FAM161A: variants seen among roughly 807,000 people sequenced by gnomAD.
FAM161A encodes FAM161 centrosomal protein A.
In FAM161A, 57 loss-of-function variants were observed where a neutral mutation model predicts 70.9. The observed-to-expected ratio is 0.80, with a 90% CI of 0.65 to 1.00. The LOEUF is 1.00. Among genes scored for constraint, FAM161A ranks in the 50% least tolerant of loss-of-function variants. FAM161A has a pLI of 0.00. For missense variants in FAM161A, 880 were observed against 836.0 expected (o/e 1.05, Z -0.65); for synonymous variants, 299 against 295.7 (o/e 1.01, Z -0.12).
chr2:61,825,559 G>C lies in FAM161A; in HGVS notation c.*896C>G, dbSNP rs769156911. 18 of 441,104 alleles carry C rather than the reference G, an allele frequency of 4.1e-5. No individual in the cohort carries two copies. The highest frequency in any genetic ancestry group is 1.2e-4 in the African/African-American group (6 of 48,808). 27.3% of individuals were successfully genotyped at this position (441,104 alleles called of 1,614,324 possible). On this transcript the variant is annotated 3_prime_UTR_variant, in exon 7 of 7. Transcript: ENST00000404929. ...AGAACTAAGGATAAAAAGAAAAAGG[G>C]ATGATGGTGTAGACAATTTAACAGT...
chr2:61,829,681 A>G (rs1245125140), intron 5 of FAM161A, among the ~76,000 whole-genome samples: 1 of 152,138 alleles, frequency 6.6e-6, no homozygotes, highest in Non-Finnish European at 1.5e-5. Context: ...AATATATAAG[A>G]CATTAAAAAG....
At chr2:61,805,883 C>G in the FAM161A span, among the ~76,000 whole-genome samples, 1 of 152,084 alleles carries the variant, frequency 6.6e-6, no homozygotes, top group African/African-American at 2.4e-5. Flanking sequence ...ATCTTATTCA[C>G]TAGGCTTGTT....
At chr2:61,818,159 A>C in the FAM161A span, among the ~76,000 whole-genome samples, 1 of 150,828 alleles carries the variant, frequency 6.6e-6, no homozygotes, top group African/African-American at 2.4e-5. Context: ...GGGTTCAAGC[A>C]ATTCTCCTGC....
At chr2:61,823,076 T>C (rs949710591), downstream of FAM161A, among the ~76,000 whole-genome samples, 1 of 150,770 alleles carries the variant, frequency 6.6e-6, no homozygotes, top group Non-Finnish European at 1.5e-5. Flanking sequence ...GGCTCATGCC[T>C]GTAATCCCAG....
intron 4 of FAM161A, among the ~76,000 whole-genome samples, chr2:61,838,184 T>C (rs1321133313): frequency 2.6e-5 from 4 of 152,216 alleles, no homozygotes; most frequent in Non-Finnish European, 4.4e-5. Context: ...TCAGATTTCA[T>C]CCAAACCTTA....
chr2:61,836,394 G>A, intron 4 of FAM161A: 1 of 272,644 alleles, frequency 3.7e-6, no homozygotes, highest in South Asian at 5.6e-5. Flanking sequence ...AAATCCTCAA[G>A]GCATAAATAT....
At chr2:61,845,956 G>A (rs1395039211) in intron 1 of FAM161A, among the ~76,000 whole-genome samples, 1 of 151,990 alleles carries the variant, frequency 6.6e-6, no homozygotes, top group Admixed American at 6.6e-5. Flanking sequence ...AGGCATGGTG[G>A]CGTGTACCTG....
chr2:61,806,634 T>C, the FAM161A span, among the ~76,000 whole-genome samples: 1 of 150,762 alleles, frequency 6.6e-6, no homozygotes, highest in Non-Finnish European at 1.5e-5. Flanking sequence ...TGAAATCACA[T>C]GTAAGCTCTA....
chr2:61,839,425 C>G lies in FAM161A; in HGVS notation c.1579G>C (p.Val527Leu), dbSNP rs372121322. The change falls in exon 3 of 7, where the codon GTA becomes CTA. Residue 527 changes from valine (V) to leucine (L), a missense_variant. Transcript: ENST00000404929. ...TACTGCGTCCTACTTACTTACCTTA[C>G]GGCTTGTTCTCGTCCTCTGGAAGAT... ...TVSSRGREQA[V>L]RRSLEEKKML... The G allele has an allele frequency of 6.2e-7, 1 of 1,614,164 alleles. No individual in the cohort carries two copies. The highest frequency in any genetic ancestry group is 8.5e-7 in the Non-Finnish European group (1 of 1,180,030).
the FAM161A span, among the ~76,000 whole-genome samples, chr2:61,811,681 T>G: frequency 6.6e-6 from 1 of 151,802 alleles, no homozygotes; most frequent in Non-Finnish European, 1.5e-5. Context: ...CCTAAATTTA[T>G]TTTTTGTAGA....
chr2:61,833,199 C>T (rs766783613), intron 5 of FAM161A, among the ~76,000 whole-genome samples: 12 of 151,868 alleles, frequency 7.9e-5, no homozygotes, highest in Admixed American at 3.3e-4. Flanking sequence ...CCAATGCAGA[C>T]GGATCATCAG....
At chr2:61,821,283 C>T (rs1032082326), downstream of FAM161A, among the ~76,000 whole-genome samples, 1 of 151,988 alleles carries the variant, frequency 6.6e-6, no homozygotes, top group Non-Finnish European at 1.5e-5. Flanking sequence ...AAACTCCTGA[C>T]CTTGTGATCT....
chr2:61,848,689 A>G (rs1235249251), intron 1 of FAM161A, among the ~76,000 whole-genome samples: 1 of 148,274 alleles, frequency 6.7e-6, no homozygotes, highest in Non-Finnish European at 1.5e-5. Flanking sequence ...TTTTGAAAAA[A>G]TTTTTTTCGC....
chr2:61,837,459 C>A (rs1032590683), intron 4 of FAM161A, among the ~76,000 whole-genome samples: 1 of 152,064 alleles, frequency 6.6e-6, no homozygotes, highest in Admixed American at 6.6e-5. Flanking sequence ...CTTAATTATA[C>A]ACAAGTTGGT....
the FAM161A span, among the ~76,000 whole-genome samples, chr2:61,813,758 G>T: frequency 7.3e-5 from 11 of 151,128 alleles, no homozygotes; most frequent in Non-Finnish European, 1.6e-4. Context: ...GAAAAAAGTC[G>T]CTCTGATAGC....
At chr2:61,811,199 A>G in the FAM161A span, among the ~76,000 whole-genome samples, 1 of 151,858 alleles carries the variant, frequency 6.6e-6, no homozygotes, top group Non-Finnish European at 1.5e-5. Flanking sequence ...GCAACCATCT[A>G]TTTATTATTT....
intron 1 of FAM161A, among the ~76,000 whole-genome samples, chr2:61,850,713 A>G (rs1486644835): frequency 6.6e-6 from 1 of 152,230 alleles, no homozygotes; most frequent in Non-Finnish European, 1.5e-5. Context: ...TGACTGCACC[A>G]GTGCATTCCA....
chr2:61,853,739 G>A (rs1673577830), intron 1 of FAM161A, 120 bp downstream of exon 1: 1 of 1,052,478 alleles, frequency 9.5e-7, no homozygotes, highest in Middle Eastern at 2.1e-4. Flanking sequence ...ACCAAGTAGG[G>A]ACTATGTGCA....
chr2:61,832,331 G>C (rs1049586302), intron 5 of FAM161A, among the ~76,000 whole-genome samples: 2 of 151,512 alleles, frequency 1.3e-5, no homozygotes, highest in Non-Finnish European at 2.9e-5. Flanking sequence ...AATACCAAAG[G>C]AATATTTAAT....
Sources: allele counts gnomAD v4.1 joint callset (sites outside exome capture counted in the v4.1 genomes callset), GRCh38; gene constraint gnomAD v4.1.1; transcripts MANE v1.5; gene names NCBI Gene and HGNC (gene_info 2026-07-23, HGNC 2026-07-21).